The following PAXIP1 variants were observed in gnomAD, a reference collection of about 807,000 sequenced individuals.
PAXIP1 encodes PAX interacting protein 1, also known as PAX-interacting protein 1.
A neutral mutation model predicts 140.6 loss-of-function variants in PAXIP1; 19 were observed. That is an observed-to-expected ratio of 0.14 (90% CI 0.09 to 0.20). The LOEUF is 0.20. PAXIP1 is among the 10% of genes least tolerant of loss of function. The pLI, the probability that PAXIP1 is intolerant of heterozygous loss-of-function variation, is 1.00. For synonymous variants in PAXIP1, 442 were observed against 444.6 expected, an observed-to-expected ratio of 0.99 and a Z score of 0.07; for missense variants, 920 against 1,208.6, an observed-to-expected ratio of 0.76 and a Z score of 3.54.
At chr7:154,995,604 C>T (rs1810550141) in intron 2 of PAXIP1, among the ~76,000 whole-genome samples, 1 of 152,208 alleles carries the variant, frequency 6.6e-6, no homozygotes, top group Admixed American at 6.5e-5. Context: ...AATCTCAGCA[C>T]TTTGGGAGGC....
intron 6 of PAXIP1, among the ~76,000 whole-genome samples, chr7:154,970,318 T>C (rs1030018993): frequency 2.6e-5 from 4 of 152,260 alleles, no homozygotes; most frequent in Non-Finnish European, 4.4e-5. Flanking sequence ...TTCTAACATG[T>C]ATCTTTCACT....
chr7:154,947,180 G>A, intron 17 of PAXIP1: 1 of 179,604 alleles, frequency 5.6e-6, no homozygotes, highest in Middle Eastern at 2.7e-3. Context: ...AACAGCCTCT[G>A]GCATAGCATG....
chr7:154,984,519 C>A (rs1467959043), intron 4 of PAXIP1, among the ~76,000 whole-genome samples: 1 of 152,200 alleles, frequency 6.6e-6, no homozygotes, highest in Non-Finnish European at 1.5e-5. Flanking sequence ...ATCCATTTTA[C>A]AAACATTTCT....
chr7:155,001,845 A>G (rs764345907), intron 1 of PAXIP1: 1 of 152,252 alleles, frequency 6.6e-6, no homozygotes, highest in South Asian at 2.1e-4. Flanking sequence ...AAGTTGTTAC[A>G]AGGACGAACC....
chr7:154,985,487 C>T (rs1810029188), intron 4 of PAXIP1, among the ~76,000 whole-genome samples: 1 of 152,122 alleles, frequency 6.6e-6, no homozygotes, highest in Non-Finnish European at 1.5e-5. Flanking sequence ...CCCCGCTGCG[C>T]CCACCCTCCG....
chr7:154,983,534 A>G (rs1809939720), intron 4 of PAXIP1: 1 of 410,832 alleles, frequency 2.4e-6, no homozygotes, highest in Non-Finnish European at 4.3e-6. Context: ...AGTTTTACAT[A>G]TATGAATTAC....
At chr7:154,992,116 G>A (rs1810358732) in intron 3 of PAXIP1, among the ~76,000 whole-genome samples, 1 of 152,178 alleles carries the variant, frequency 6.6e-6, no homozygotes, top group Admixed American at 6.5e-5. Context: ...AAATCTCAGA[G>A]TGCACTGTCT....
intron 8 of PAXIP1, among the ~76,000 whole-genome samples, chr7:154,965,887 T>C (rs1166090277): frequency 6.6e-6 from 1 of 152,154 alleles, no homozygotes; most frequent in Non-Finnish European, 1.5e-5. Flanking sequence ...GGGTCAGCGG[T>C]ACATGTCTCT....
chr7:154,966,662 A>G (rs1391830432), intron 8 of PAXIP1, among the ~76,000 whole-genome samples: 3 of 152,230 alleles, frequency 2.0e-5, no homozygotes, highest in African/African-American at 7.2e-5. Flanking sequence ...TGTCCTTCTC[A>G]GAACTGCTCC....
At chr7:154,984,456 T>C (rs1809976283) in intron 4 of PAXIP1, among the ~76,000 whole-genome samples, 1 of 152,240 alleles carries the variant, frequency 6.6e-6, no homozygotes. Context: ...TTAATCTCTT[T>C]TTAACTGCCA....
chr7:154,965,996 C>T (rs139067786), intron 8 of PAXIP1, among the ~76,000 whole-genome samples: 73 of 152,284 alleles, frequency 4.8e-4, no homozygotes, highest in South Asian at 2.1e-3. Flanking sequence ...CATCTATTGG[C>T]GTTTCCCTTT....
At chr7:154,950,810 T>C (rs965246925) in intron 16 of PAXIP1, 16 of 152,232 alleles carry the variant, frequency 1.1e-4, no homozygotes, top group African/African-American at 3.9e-4. Context: ...AAATGCTTTA[T>C]GAAGCCATGA....
At chr7:154,996,391 G>A (rs571113049) in intron 2 of PAXIP1, among the ~76,000 whole-genome samples, 2 of 152,200 alleles carry the variant, frequency 1.3e-5, no homozygotes, top group East Asian at 1.9e-4. Context: ...GCCAGAGGGG[G>A]AAAAAGTTGG....
intron 12 of PAXIP1, among the ~76,000 whole-genome samples, chr7:154,960,572 G>A (rs927102362): frequency 5.3e-5 from 8 of 152,158 alleles, no homozygotes; most frequent in African/African-American, 1.4e-4. Context: ...AGCTACTTGG[G>A]AGGGTGAGGT....
At chr7:154,981,076 G>A (rs1373456774) in intron 5 of PAXIP1, among the ~76,000 whole-genome samples, 3 of 152,070 alleles carry the variant, frequency 2.0e-5, no homozygotes, top group East Asian at 1.9e-4. Flanking sequence ...AGCTGAGATC[G>A]CACCAGTGCA....
chr7:154,948,978 T>A (rs2150738897), intron 16 of PAXIP1: 1 of 152,244 alleles, frequency 6.6e-6, no homozygotes, highest in South Asian at 2.1e-4. Context: ...GATTTTCAGT[T>A]TTCATAGCAA....
chr7:154,954,054 C>T lies in PAXIP1; in HGVS notation c.2821+201G>A, dbSNP rs1342023428. Among the ~76,000 whole-genome samples the T allele has an allele frequency of 6.6e-6, 1 of 152,046 alleles. No individual in the cohort carries two copies. Among genetic ancestry groups the T allele is most frequent in the Non-Finnish European group, 1.5e-5 (1 of 67,998 alleles). ...TTTCCCCCTAATATTGTCCAATTTA[C>T]CAAAACTTTTACACCTAGGGTAAAA... On this transcript the variant is annotated intron_variant, in intron 16 of 20. Transcript: ENST00000404141. This position sits in a 1 kb window ranked among gnomAD's most constrained non-coding sequence, Gnocchi z 5.1.
chr7:155,002,806 A>G, intron 1 of PAXIP1, 43 bp downstream of exon 1: 3 of 1,155,952 alleles, frequency 2.6e-6, no homozygotes, highest in South Asian at 1.7e-5. Context: ...ACGGACGGGG[A>G]CGCGGACGGG....
In PAXIP1 at chr7:154,943,852, G is replaced by A. The variant is rs1178819895; in HGVS notation, c.*297C>T. ...TATTTACACCATTTTATTTCTAGTT[G>A]AAGTCCCGTAACAGTTTTGTGAAAA... On this transcript the variant is annotated 3_prime_UTR_variant, in exon 21 of 21. Coordinates refer to ENST00000404141, the MANE Select transcript of PAXIP1 (RefSeq NM_007349.4). The A allele has an allele frequency of 5.7e-6, 2 of 350,214 alleles. No homozygotes were observed. Among genetic ancestry groups the A allele is most frequent in the African/African-American group, 4.2e-5 (2 of 47,720 alleles). 21.7% of individuals were successfully genotyped at this position (350,214 alleles called of 1,614,324 possible).
Sources: gnomAD v4.1 joint callset for allele counts (sites outside exome capture counted in the v4.1 genomes callset) on GRCh38, gnomAD v4.1.1 for gene constraint, Gnocchi (gnomAD v3.1) non-coding constraint, MANE v1.5 for transcripts, NCBI Gene and HGNC (gene_info 2026-07-23, HGNC 2026-07-21) for gene names.